KIT: variants seen among roughly 807,000 people sequenced by gnomAD.
KIT encodes the protein mast/stem cell growth factor receptor Kit.
In KIT, 16 loss-of-function variants were observed where a neutral mutation model predicts 105.7. The ratio of observed to expected loss-of-function variants is 0.15; its 90% CI spans 0.10 to 0.23. KIT has a LOEUF of 0.23. KIT is among the 10% of genes least tolerant of loss of function. The pLI is 1.00. For missense variants in KIT, 858 were observed against 1,213.8 expected (o/e 0.71, Z 4.36); for synonymous variants, 438 against 441.1 (o/e 0.99, Z 0.09).
At chr4:54,711,025 A>G (rs1721127532) in intron 7 of KIT, among the ~76,000 whole-genome samples, 1 of 152,180 alleles carries the variant, frequency 6.6e-6, no homozygotes, top group Non-Finnish European at 1.5e-5. Context: ...GAGTACAGGC[A>G]TGCACCACCA....
At chr4:54,733,045 T>G in intron 16 of KIT, 25 bp from the exon 17 acceptor site, 1 of 1,604,998 alleles carries the variant, frequency 6.2e-7, no homozygotes. Context: ...TTTAAATGGT[T>G]TTCTTTTCTC....
chr4:54,703,962 T>C, intron 5 of KIT, 70 bp downstream of exon 5: 1 of 1,220,998 alleles, frequency 8.2e-7, no homozygotes, highest in Non-Finnish European at 1.2e-6. Context: ...ACAGTTTCTT[T>C]TTTATGTAAA....
At chr4:54,663,410 C>G (rs185234386) in intron 1 of KIT, among the ~76,000 whole-genome samples, 75 of 152,228 alleles carry the variant, frequency 4.9e-4, no homozygotes, top group African/African-American at 1.7e-3. Context: ...CATAGTGCCC[C>G]GCATAGAGGA....
In KIT at chr4:54,695,603, G is replaced by C. The variant is rs749431345; in HGVS notation, c.159G>C (p.Glu53Asp). Reference sequence around the variant, plus strand: ...ACTTAATAGTCCGCGTGGGCGACGAGATTAGGCTGTTATGCACTGATCCGG... The same window carrying C: ...ACTTAATAGTCCGCGTGGGCGACGACATTAGGCTGTTATGCACTGATCCGG... Reference protein sequence around the residue: ...KSDLIVRVGDEIRLLCTDPGF... With the variant: ...KSDLIVRVGDDIRLLCTDPGF... Residue 53 changes from glutamate (E) to aspartate (D), a missense_variant, in exon 2 of 21, where the codon GAG (glutamate) becomes GAC (aspartate). By Grantham distance (45) the Glu-to-Asp change is conservative. This residue lies in a region of KIT where 401 missense variants were observed against 601.0 expected (regional missense o/e 0.67). Transcript: ENST00000288135. The C allele has an allele frequency of 6.8e-6, 11 of 1,614,140 alleles. No homozygotes were observed. The highest frequency in any genetic ancestry group is 1.3e-5 in the African/African-American group (1 of 74,946).
intron 16 of KIT, among the ~76,000 whole-genome samples, 176 bp from the exon 17 acceptor site, chr4:54,732,893 TG>T (rs1722698313): frequency 6.6e-6 from 1 of 152,224 alleles, no homozygotes; most frequent in African/African-American, 2.4e-5. Context: ...CTCTTGATTA[TG>T]TGAACATCAT....
chr4:54,739,851 A>G lies in KIT; in HGVS notation c.*1294A>G, dbSNP rs1471031882. 8.6e-6 allele frequency: 2 copies of G among 233,416 alleles called. No individual in the cohort carries two copies. Among genetic ancestry groups the G allele is most frequent in the Non-Finnish European group, 1.7e-5 (2 of 117,992 alleles). 14.5% of individuals were successfully genotyped at this position (233,416 alleles called of 1,614,324 possible). A position where few individuals can be genotyped will look rare whatever the true frequency, so the allele number is the denominator to read the frequency against. ...TAGTGGTGCAGAGGAAGTGGAAGGC[A>G]TCAGTCCCTATGTATTTGCAGTTCA... is the stretch of plus-strand genomic sequence containing the variant. On this transcript the variant is annotated 3_prime_UTR_variant, in exon 21 of 21. Transcript: ENST00000288135.
chr4:54,687,445 A>T (rs556454194), intron 1 of KIT, among the ~76,000 whole-genome samples: 1 of 152,240 alleles, frequency 6.6e-6, no homozygotes, highest in East Asian at 1.9e-4. Context: ...CATCTCCAAA[A>T]AAAAAATAAA....
intron 7 of KIT, among the ~76,000 whole-genome samples, chr4:54,716,230 C>CTG (rs1721488760): frequency 6.6e-6 from 1 of 152,090 alleles, no homozygotes; most frequent in Admixed American, 6.6e-5. Flanking sequence ...AAATAAAGTG[C>CTG]CGAATAGAAC....
chr4:54,691,651 C>T (rs1478195088), intron 1 of KIT, among the ~76,000 whole-genome samples: 1 of 152,014 alleles, frequency 6.6e-6, no homozygotes, highest in Non-Finnish European at 1.5e-5. Flanking sequence ...CTGCTGCTGC[C>T]TCTGTTGTGG....
intron 1 of KIT, among the ~76,000 whole-genome samples, chr4:54,684,964 T>C (rs898680426): frequency 3.3e-5 from 5 of 152,198 alleles, no homozygotes; most frequent in African/African-American, 1.2e-4. Context: ...CCCAACCTAC[T>C]ACCTTGTCCT....
chr4:54,695,803 G>A (rs773860127), intron 2 of KIT, 22 bp downstream of exon 2: 1 of 1,613,968 alleles, frequency 6.2e-7, no homozygotes, highest in Non-Finnish European at 8.5e-7. Context: ...GCTTTCTGCA[G>A]TGCTGTGCTT....
intron 1 of KIT, among the ~76,000 whole-genome samples, chr4:54,676,750 C>T (rs1718501383): frequency 6.6e-6 from 1 of 152,180 alleles, no homozygotes; most frequent in African/African-American, 2.4e-5. Flanking sequence ...CTCCATTTTG[C>T]ACACAGCACT....
chr4:54,687,360 C>A (rs939896963), intron 1 of KIT, among the ~76,000 whole-genome samples: 1 of 151,996 alleles, frequency 6.6e-6, no homozygotes, highest in African/African-American at 2.4e-5. Flanking sequence ...ATTGCTTGAA[C>A]CCAGGAGGCA....
In KIT at chr4:54,738,726, C is replaced by T. The variant is rs540886606; in HGVS notation, c.*169C>T. 1.2e-6 allele frequency: 1 copy of T among 812,802 alleles called. No individual in the cohort carries two copies. The highest frequency in any genetic ancestry group is 1.9e-5 in the Admixed American group (1 of 53,276). The allele number at this position is 812,802 out of a possible 1,614,324, so 50.3% of individuals were successfully genotyped here. A position where few individuals can be genotyped will look rare whatever the true frequency, so the allele number is the denominator to read the frequency against. On this transcript the variant is annotated 3_prime_UTR_variant, in exon 21 of 21. Coordinates refer to ENST00000288135, the MANE Select transcript of KIT (RefSeq NM_000222.3). ...GTGGCCGATGATTTTTGTCATCAGC[C>T]ACCATCCTATTGCAAAGGTTCCAAC...
intron 1 of KIT, among the ~76,000 whole-genome samples, chr4:54,667,612 G>A (rs890854774): frequency 2.0e-5 from 3 of 152,156 alleles, no homozygotes; most frequent in South Asian, 2.1e-4. Context: ...AGAGTTAGCC[G>A]GAAGGCTCTG....
intron 17 of KIT, among the ~76,000 whole-genome samples, chr4:54,735,560 C>T (rs1722882479): frequency 6.6e-6 from 1 of 152,142 alleles, no homozygotes; most frequent in Non-Finnish European, 1.5e-5. Flanking sequence ...CAAGCCACTA[C>T]TGTTTATCAA....
intron 7 of KIT, 150 bp downstream of exon 7, chr4:54,709,689 T>G: frequency 1.4e-6 from 1 of 696,960 alleles, no homozygotes; most frequent in Non-Finnish European, 2.6e-6. Flanking sequence ...GTTTGGTGGT[T>G]AGAGTGTGTC....
At position 54,740,641 on chromosome 4, in the gene KIT, G is replaced by A. The variant is rs1352767589; in HGVS notation, c.*2084G>A. On this transcript the variant is annotated 3_prime_UTR_variant, in exon 21 of 21. Transcript: ENST00000288135. ...AGTTTAAAGGATGTTGGTGTTCCACGTGTTTTATTCCTGTATGTTGTCCAA... is the reference window on the plus strand; with the variant it reads ...AGTTTAAAGGATGTTGGTGTTCCACATGTTTTATTCCTGTATGTTGTCCAA... The A allele has an allele frequency of 8.6e-6, 2 of 232,460 alleles. No individual in the cohort carries two copies. Among genetic ancestry groups the A allele is most frequent in the Non-Finnish European group, 1.7e-5 (2 of 117,466 alleles). The allele number at this position is 232,460 out of a possible 1,614,324, so 14.4% of individuals were successfully genotyped here.
At chr4:54,719,345 C>T (rs1721707264) in intron 7 of KIT, among the ~76,000 whole-genome samples, 2 of 152,228 alleles carry the variant, frequency 1.3e-5, no homozygotes, top group Admixed American at 6.5e-5. Context: ...TCTTAAAATT[C>T]ATTTTGTTCT....
Sources: allele counts gnomAD v4.1 joint callset (sites outside exome capture counted in the v4.1 genomes callset), GRCh38; gene constraint gnomAD v4.1.1; regional missense constraint gnomAD v4.1.1; transcripts MANE v1.5; gene names NCBI Gene and HGNC (gene_info 2026-07-23, HGNC 2026-07-21).